The following HECW1 variants were observed in gnomAD, a reference collection of about 807,000 sequenced individuals.
The protein encoded by HECW1 is HECT, C2 and WW domain containing E3 ubiquitin protein ligase 1.
A neutral mutation model predicts 182.3 loss-of-function variants in HECW1; 61 were observed. That is an observed-to-expected ratio of 0.33 (90% CI 0.27 to 0.41). The LOEUF is 0.41. HECW1 is among the 10% of genes least tolerant of loss of function. The pLI, the probability that HECW1 is intolerant of heterozygous loss-of-function variation, is 1.00. For synonymous variants in HECW1, 859 were observed against 832.6 expected, an observed-to-expected ratio of 1.03 and a Z score of -0.55; for missense variants, 1,739 against 2,108.9, an observed-to-expected ratio of 0.82 and a Z score of 3.44.
At chr7:43,167,929 C>A (rs1022648811) in intron 2 of HECW1, among the ~76,000 whole-genome samples, 5 of 152,100 alleles carry the variant, frequency 3.3e-5, no homozygotes, top group Admixed American at 1.3e-4. Flanking sequence ...AGAATTTGAA[C>A]CAGACAACCA....
chr7:43,217,188 T>G (rs1796522034), intron 2 of HECW1, among the ~76,000 whole-genome samples: 1 of 152,082 alleles, frequency 6.6e-6, no homozygotes, highest in Admixed American at 6.5e-5. Flanking sequence ...AATAAAATTT[T>G]TTAATACTGG....
chr7:43,146,441 A>G (rs1435953119), intron 2 of HECW1, among the ~76,000 whole-genome samples: 1 of 152,210 alleles, frequency 6.6e-6, no homozygotes, highest in African/African-American at 2.4e-5. Flanking sequence ...CAATGCCATC[A>G]CTGAAATATT....
At chr7:43,287,477 G>A (rs554261197) in intron 3 of HECW1, among the ~76,000 whole-genome samples, 3 of 152,170 alleles carry the variant, frequency 2.0e-5, no homozygotes, top group Admixed American at 2.0e-4. Context: ...TTGGCAGAGG[G>A]GATGTGATCT....
intron 2 of HECW1, among the ~76,000 whole-genome samples, chr7:43,205,954 A>C (rs780246549): frequency 6.6e-6 from 1 of 152,142 alleles, no homozygotes; most frequent in African/African-American, 2.4e-5. Context: ...TCCAAGGAGA[A>C]GGTCTTTGTT....
chr7:43,258,932 T>TTTGTC (rs937152478), intron 3 of HECW1, among the ~76,000 whole-genome samples: 2 of 152,162 alleles, frequency 1.3e-5, no homozygotes, highest in Non-Finnish European at 2.9e-5. Flanking sequence ...GTTTGTTTTT[T>TTTGTC]TTGTTTTGTT....
chr7:43,445,229 C>T lies in HECW1; in HGVS notation c.2057C>T (p.Ser686Leu), dbSNP rs769914359. Residue 686 changes from serine to leucine, a missense_variant, in exon 11 of 30, where the codon TCG (serine) becomes TTG (leucine). Physicochemically the swap from Ser to Leu is moderately radical, Grantham distance 145 (BLOSUM62 -2). Transcript: ENST00000395891. ...SCCSPSCYSS[S>L]CYSTSCYSSS... Reference sequence around the variant, plus strand: ...TGCAGCCCCTCGTGCTACAGCTCCTCGTGCTACAGCACGTCCTGCTACAGC... The same window carrying T: ...TGCAGCCCCTCGTGCTACAGCTCCTTGTGCTACAGCACGTCCTGCTACAGC... 10 of 1,613,080 alleles carry T rather than the reference C, an allele frequency of 6.2e-6. No homozygotes were observed. The African/African-American group carries it at 9.3e-5, about 15-fold the overall frequency.
chr7:43,136,273 C>T (rs1246583736), intron 2 of HECW1, among the ~76,000 whole-genome samples: 1 of 152,142 alleles, frequency 6.6e-6, no homozygotes, highest in Non-Finnish European at 1.5e-5. Context: ...AGGCATATCT[C>T]CTAGGGCTTA....
At chr7:43,380,604 T>A (rs1177173339) in intron 6 of HECW1, among the ~76,000 whole-genome samples, 1 of 152,108 alleles carries the variant, frequency 6.6e-6, no homozygotes, top group African/African-American at 2.4e-5. Flanking sequence ...CTTGGCTCAC[T>A]GCAACCTCCA....
chr7:43,444,573 G>A lies in HECW1; in HGVS notation c.1401G>A (p.Glu467=). 1.2e-6 allele frequency: 2 copies of A among 1,611,076 alleles called. No homozygotes were observed. Among genetic ancestry groups the A allele is most frequent in the Non-Finnish European group, 1.7e-6 (2 of 1,178,890 alleles). ...CCGAGCAGCTGGACCTGGGTGAGGA[G>A]GCATCAGCACTGCTGCTGGAAGACG... ...ELAEQLDLGE[E]ASALLLEDGE... The change falls in exon 11 of 30, where the codon GAG becomes GAA. Residue 467 remains glutamate (E), a synonymous_variant. Transcript: ENST00000395891. This position sits in a 1 kb window ranked among gnomAD's most constrained non-coding sequence, Gnocchi z 4.3.
intron 3 of HECW1, among the ~76,000 whole-genome samples, chr7:43,281,470 T>G (rs1170322387): frequency 6.6e-6 from 1 of 152,214 alleles, no homozygotes; most frequent in Non-Finnish European, 1.5e-5. Context: ...GAAAACCTGT[T>G]ATTCAGAAGT....
At chr7:43,303,416 AT>A (rs1401330589) in intron 3 of HECW1, among the ~76,000 whole-genome samples, 10 of 146,902 alleles carry the variant, frequency 6.8e-5, no homozygotes, top group African/African-American at 1.3e-4. Context: ...TTATTGGTGG[AT>A]TTTTTTTTAT....
intron 2 of HECW1, among the ~76,000 whole-genome samples, chr7:43,242,622 A>G (rs891585687): frequency 6.6e-6 from 1 of 152,174 alleles, no homozygotes; most frequent in Non-Finnish European, 1.5e-5. Flanking sequence ...CTGACCTATC[A>G]CAGAAATTGG....
chr7:43,458,090 A>G (rs952325112), intron 13 of HECW1, among the ~76,000 whole-genome samples: 4 of 152,196 alleles, frequency 2.6e-5, no homozygotes, highest in Non-Finnish European at 5.9e-5. Context: ...TCCATGGGAG[A>G]GTCCTTTCAT....
chr7:43,244,683 G>C (rs111765836), intron 3 of HECW1, among the ~76,000 whole-genome samples: 53 of 152,332 alleles, frequency 3.5e-4, no homozygotes, highest in African/African-American at 1.2e-3. Context: ...TAACTGAGGA[G>C]CATTGATTCC....
At chr7:43,237,147 AGGT>A (rs1302363372) in intron 2 of HECW1, among the ~76,000 whole-genome samples, 958 of 83,542 alleles carry the variant, frequency 0.011, 21 homozygotes, top group East Asian at 0.085. Flanking sequence ...GGAAGTAGGT[AGGT>A]AGGTAGGTAG....
At chr7:43,400,350 A>G (rs2152840154) in intron 7 of HECW1, among the ~76,000 whole-genome samples, 1 of 152,346 alleles carries the variant, frequency 6.6e-6, no homozygotes, top group Middle Eastern at 3.4e-3. Context: ...AGCTCTGAGT[A>G]TAAGAGCAGA....
At chr7:43,255,471 C>G (rs1335172545) in intron 3 of HECW1, among the ~76,000 whole-genome samples, 1 of 152,012 alleles carries the variant, frequency 6.6e-6, no homozygotes, top group African/African-American at 2.4e-5. Flanking sequence ...TGGTTGCACA[C>G]CTGTAATCCC....
intron 29 of HECW1, among the ~76,000 whole-genome samples, chr7:43,561,128 CT>C (rs1375267478): frequency 6.6e-6 from 1 of 152,238 alleles, no homozygotes; most frequent in Admixed American, 6.5e-5. Context: ...AGGTGTTAGC[CT>C]CTGGCGAGGA....
chr7:43,343,955 G>A (rs1813351021), intron 5 of HECW1, among the ~76,000 whole-genome samples: 1 of 151,774 alleles, frequency 6.6e-6, no homozygotes, highest in South Asian at 2.1e-4. Context: ...CATTCTAACT[G>A]GTGTGAGATG....
Sources: gnomAD v4.1 joint callset for allele counts (sites outside exome capture counted in the v4.1 genomes callset) on GRCh38, gnomAD v4.1.1 for gene constraint, Gnocchi (gnomAD v3.1) non-coding constraint, MANE v1.5 for transcripts, NCBI Gene and HGNC (gene_info 2026-07-23, HGNC 2026-07-21) for gene names.